The following RCN1 variants were observed in gnomAD, a reference collection of about 807,000 sequenced individuals.
The protein encoded by RCN1 is reticulocalbin 1, also known as reticulocalbin-1.
RCN1 carries 14 observed loss-of-function variants against 34.7 expected under a neutral mutation model. The observed-to-expected ratio is 0.40, with a 90% CI of 0.27 to 0.63. The LOEUF is 0.63. Ranked by LOEUF, RCN1 falls within the 30% of genes least tolerant of loss-of-function variation. The pLI is 0.37. For missense variants in RCN1, 326 were observed against 425.1 expected (o/e 0.77, Z 2.05); for synonymous variants, 125 against 165.5 (o/e 0.76, Z 1.88).
intron 5 of RCN1, 138 bp from the exon 6 acceptor site, chr11:32,104,227 A>G: frequency 1.7e-6 from 1 of 589,216 alleles, no homozygotes; most frequent in Admixed American, 3.0e-5. Flanking sequence ...ATGGTAGATG[A>G]AGGAGGTGCC....
At position 32,091,207 on chromosome 11, in the gene RCN1, G is replaced by C. The variant is rs941873687; in HGVS notation, c.11G>C (p.Gly4Ala). MAR[G>A]GRGRRLGLAL... ...CCTCTCCTCGGGACGATGGCGCGCGGTGGCCGCGGCCGCCGCCTGGGGTTA... is the reference window on the plus strand; with the variant it reads ...CCTCTCCTCGGGACGATGGCGCGCGCTGGCCGCGGCCGCCGCCTGGGGTTA... The change falls in exon 1 of 6, where the codon GGT (glycine) becomes GCT (alanine). Residue 4 changes from glycine (G) to alanine (A), a missense_variant. By Grantham distance (60) the Gly-to-Ala change is moderately conservative. Coordinates refer to ENST00000054950, the MANE Select transcript of RCN1 (RefSeq NM_002901.4). 6.6e-5 allele frequency: 95 copies of C among 1,437,454 alleles called. No homozygotes were observed. Among genetic ancestry groups the C allele is most frequent in the Non-Finnish European group, 8.2e-5 (91 of 1,103,272 alleles). The allele number at this position is 1,437,454 out of a possible 1,614,324, so 89.0% of individuals were successfully genotyped here. A position where few individuals can be genotyped will look rare whatever the true frequency, so the allele number is the denominator to read the frequency against.
chr11:32,094,896 G>C (rs1190154503), intron 1 of RCN1, among the ~76,000 whole-genome samples: 3 of 152,164 alleles, frequency 2.0e-5, no homozygotes, highest in Non-Finnish European at 4.4e-5. Context: ...GATCTCCCTT[G>C]ACATTGTTAA....
chr11:32,097,353 G>T lies in RCN1; in HGVS notation c.448+16G>T. 1 of 1,517,534 alleles carries T rather than the reference G, an allele frequency of 6.6e-7. No homozygotes were observed. Among genetic ancestry groups the T allele is most frequent in the South Asian group, 1.4e-5 (1 of 72,694 alleles). 94.0% of individuals were successfully genotyped at this position (1,517,534 alleles called of 1,614,324 possible). A position where few individuals can be genotyped will look rare whatever the true frequency, so the allele number is the denominator to read the frequency against. ...TACTACCTAGGTAAGAGGTGCTGCA[G>T]GAGCGATGACACAGTGGGGGCCCAG... On this transcript the variant is annotated intron_variant, in intron 2 of 5. Coordinates refer to ENST00000054950, the MANE Select transcript of RCN1 (RefSeq NM_002901.4).
chr11:32,100,002 C>T (rs1360460250), intron 3 of RCN1, among the ~76,000 whole-genome samples: 2 of 152,176 alleles, frequency 1.3e-5, no homozygotes, highest in African/African-American at 2.4e-5. Flanking sequence ...GAACAGTAAA[C>T]TCATTTAATT....
At chr11:32,099,734 A>G (rs1272551624) in intron 3 of RCN1, among the ~76,000 whole-genome samples, 2 of 152,156 alleles carry the variant, frequency 1.3e-5, no homozygotes, top group South Asian at 2.1e-4. Context: ...CGAGCTGTGG[A>G]TGGTTTTAGT....
chr11:32,099,803 G>A lies in RCN1; in HGVS notation c.628-745G>A, dbSNP rs150305412. On this transcript the variant is annotated intron_variant, in intron 3 of 5. Coordinates refer to ENST00000054950, the MANE Select transcript of RCN1 (RefSeq NM_002901.4). ...ATCCTCCTGACTGCCATGACTGTAA[G>A]GACTGGGCAGTGGCTCCAAGAATCA... Among the ~76,000 whole-genome samples the A allele has an allele frequency of 1.3e-4, 20 of 152,294 alleles. No homozygotes were observed. In the East Asian group the frequency reaches 3.7e-3, roughly 28 times the overall value.
chr11:32,097,826 T>C (rs1270470626), intron 2 of RCN1, among the ~76,000 whole-genome samples: 1 of 151,888 alleles, frequency 6.6e-6, no homozygotes, highest in African/African-American at 2.4e-5. Context: ...ATGGGAAGGG[T>C]TTAGATCCAA....
chr11:32,091,302 G>A lies in RCN1; in HGVS notation c.106G>A (p.Glu36Lys), dbSNP rs1851918195. 2 of 1,546,730 alleles carry A rather than the reference G, an allele frequency of 1.3e-6. No homozygotes were observed. The highest frequency in any genetic ancestry group is 4.9e-5 in the East Asian group (2 of 40,798). Reference sequence around the variant, plus strand: ...GCGGGCCAAGCCCACGGTGCGCAAAGAGCGCGTGGTGCGGCCCGACTCGGA... The same window carrying A: ...GCGGGCCAAGCCCACGGTGCGCAAAAAGCGCGTGGTGCGGCCCGACTCGGA... Reference protein sequence around the residue: ...VLRAKPTVRKERVVRPDSELG... With the variant: ...VLRAKPTVRKKRVVRPDSELG... The change falls in exon 1 of 6, where the codon GAG becomes AAG. Residue 36 changes from glutamate (E) to lysine (K), a missense_variant. Glu to Lys is a moderately conservative substitution (Grantham distance 56). Coordinates refer to ENST00000054950, the MANE Select transcript of RCN1 (RefSeq NM_002901.4).
chr11:32,099,595 G>GGGTCCCAAATGTCTTCATTTTCCA (rs1341785231), intron 3 of RCN1, among the ~76,000 whole-genome samples: 1 of 152,124 alleles, frequency 6.6e-6, no homozygotes, highest in Admixed American at 6.5e-5. Context: ...GTGTCTTGTT[G>GGGTCCCAAATGTCTTCATTTTCCA]GGTCCCAAAT....
intron 1 of RCN1, among the ~76,000 whole-genome samples, chr11:32,095,363 C>T (rs967385181): frequency 2.6e-5 from 4 of 152,100 alleles, no homozygotes; most frequent in African/African-American, 9.7e-5. Context: ...CCTCCCACCT[C>T]AGCCTCCTGA....
Position 32,091,137 on chromosome 11 carries a change from G to C in RCN1, c.-60G>C. 1 of 1,370,632 alleles carries C rather than the reference G, an allele frequency of 7.3e-7. No individual in the cohort carries two copies. Among genetic ancestry groups the C allele is most frequent in the Non-Finnish European group, 9.4e-7 (1 of 1,069,362 alleles). The allele number at this position is 1,370,632 out of a possible 1,614,324, so 84.9% of individuals were successfully genotyped here. A position where few individuals can be genotyped will look rare whatever the true frequency, so the allele number is the denominator to read the frequency against. On this transcript the variant is annotated 5_prime_UTR_variant, in exon 1 of 6. Coordinates refer to ENST00000054950, the MANE Select transcript of RCN1 (RefSeq NM_002901.4). ...CGCCGCGCTCCGAGTCCCCATTCCC[G>C]AGCTGCCGCTGTTGTCGCTCGCTCA...
Position 32,105,041 on chromosome 11 carries a change from C to T in RCN1, c.*569C>T, listed in dbSNP as rs995255852. On this transcript the variant is annotated 3_prime_UTR_variant, in exon 6 of 6. Coordinates refer to ENST00000054950, the MANE Select transcript of RCN1 (RefSeq NM_002901.4). ...GTATATGAAACCTCCATGCATTTTC[C>T]AGTATGGATCTGCTAATATGCACAG... 1 of 167,100 alleles carries T rather than the reference C, an allele frequency of 6.0e-6. No individual in the cohort carries two copies. Among genetic ancestry groups the T allele is most frequent in the African/African-American group, 2.4e-5 (1 of 41,402 alleles). The allele number at this position is 167,100 out of a possible 1,614,324, so 10.4% of individuals were successfully genotyped here. A position where few individuals can be genotyped will look rare whatever the true frequency, so the allele number is the denominator to read the frequency against.
chr11:32,104,987 A>G lies in RCN1; in HGVS notation c.*515A>G, dbSNP rs1565352107. 5.9e-6 allele frequency: 1 copy of G among 168,582 alleles called. No individual in the cohort carries two copies. Among genetic ancestry groups the G allele is most frequent in the African/African-American group, 2.4e-5 (1 of 41,456 alleles). The allele number at this position is 168,582 out of a possible 1,614,324, so 10.4% of individuals were successfully genotyped here. ...TCAGATTCTTTCTTTTCGACTTTAT[A>G]CTCTGAGTTATTACTTACTGTAAGT... On this transcript the variant is annotated 3_prime_UTR_variant, in exon 6 of 6. Transcript: ENST00000054950.
At chr11:32,094,116 G>C (rs1851946957) in intron 1 of RCN1, among the ~76,000 whole-genome samples, 1 of 152,150 alleles carries the variant, frequency 6.6e-6, no homozygotes, top group African/African-American at 2.4e-5. Flanking sequence ...TGTTTGGGAT[G>C]GGGCTGAGTG....
chr11:32,101,382 A>G (rs1307585956), intron 4 of RCN1, among the ~76,000 whole-genome samples: 1 of 152,188 alleles, frequency 6.6e-6, no homozygotes, highest in Admixed American at 6.5e-5. Flanking sequence ...GTCTCAATAA[A>G]GTAAAAGCTG....
chr11:32,095,417 T>C (rs1044102749), intron 1 of RCN1, among the ~76,000 whole-genome samples: 4 of 151,678 alleles, frequency 2.6e-5, no homozygotes, highest in Non-Finnish European at 4.4e-5. Flanking sequence ...TGGCTAATTT[T>C]TTTATTTTGA....
chr11:32,095,246 CTT>C (rs11454746), intron 1 of RCN1, among the ~76,000 whole-genome samples: 12 of 145,606 alleles, frequency 8.2e-5, no homozygotes, highest in African/African-American at 7.6e-5. Flanking sequence ...ATGTTTTAGT[CTT>C]TTTTTTTTTT....
At chr11:32,091,484 C>T (rs1047899631) in intron 1 of RCN1, 34 bp downstream of exon 1, 22 of 1,531,036 alleles carry the variant, frequency 1.4e-5, no homozygotes, top group Non-Finnish European at 1.8e-5. Context: ...TGGGGGGCGG[C>T]GCAGGTGTCC....
rs1852086232 is a variant in RCN1 at position 32,104,551 on chromosome 11, A to C, written c.*79A>C. ...GATTGTTGCTACAATTGTCTAATTTACAGCAGTTGTGATCCCACAAAAAGC... is the reference window on the plus strand; with the variant it reads ...GATTGTTGCTACAATTGTCTAATTTCCAGCAGTTGTGATCCCACAAAAAGC... On this transcript the variant is annotated 3_prime_UTR_variant, in exon 6 of 6. Transcript: ENST00000054950. 2.4e-6 allele frequency: 2 copies of C among 843,354 alleles called. No individual in the cohort carries two copies. 52.2% of individuals were successfully genotyped at this position (843,354 alleles called of 1,614,324 possible). A position where few individuals can be genotyped will look rare whatever the true frequency, so the allele number is the denominator to read the frequency against.
Sources: gnomAD v4.1 joint callset for allele counts (sites outside exome capture counted in the v4.1 genomes callset) on GRCh38, gnomAD v4.1.1 for gene constraint, MANE v1.5 for transcripts, NCBI Gene and HGNC (gene_info 2026-07-23, HGNC 2026-07-21) for gene names.